The following PTPRN2 variants were observed in gnomAD, a reference collection of about 807,000 sequenced individuals.
PTPRN2 encodes receptor-type tyrosine-protein phosphatase N2.
A neutral mutation model predicts 118.8 loss-of-function variants in PTPRN2; 74 were observed. The observed-to-expected ratio is 0.62, with a 90% CI of 0.52 to 0.76. The LOEUF (loss-of-function observed/expected upper bound fraction) is 0.76, where lower values mean the gene tolerates loss of function less well. Ranked by LOEUF, PTPRN2 falls within the 30% of genes least tolerant of loss-of-function variation. The pLI is 0.00. For synonymous variants in PTPRN2, 641 were observed against 608.0 expected (o/e 1.05, Z -0.80); for missense variants, 1,481 against 1,394.4 (o/e 1.06, Z -0.99).
At chr7:158,279,263 C>T (rs1383240142) in intron 3 of PTPRN2, among the ~76,000 whole-genome samples, 1 of 152,194 alleles carries the variant, frequency 6.6e-6, no homozygotes, top group Non-Finnish European at 1.5e-5. Flanking sequence ...CATTTACAAA[C>T]CTTTAGCTAG....
At chr7:157,747,330 C>A (rs1315101507) in intron 12 of PTPRN2, among the ~76,000 whole-genome samples, 21 of 129,730 alleles carry the variant, frequency 1.6e-4, no homozygotes, top group Admixed American at 9.2e-4. Flanking sequence ...CTGAGGCCTG[C>A]GTCCCTGAGC....
At chr7:158,470,131 A>G (rs1245496471) in intron 2 of PTPRN2, among the ~76,000 whole-genome samples, 1 of 152,274 alleles carries the variant, frequency 6.6e-6, no homozygotes, top group East Asian at 1.9e-4. Flanking sequence ...ATCGTCAAGT[A>G]GAAATAAAAG....
intron 2 of PTPRN2, among the ~76,000 whole-genome samples, chr7:158,363,542 C>T (rs886258642): frequency 3.3e-5 from 5 of 152,240 alleles, no homozygotes; most frequent in Non-Finnish European, 5.9e-5. Flanking sequence ...GACCACCTGA[C>T]CTGGAAGGGC....
At chr7:158,055,159 T>C (rs770673759) in intron 11 of PTPRN2, among the ~76,000 whole-genome samples, 3 of 152,214 alleles carry the variant, frequency 2.0e-5, no homozygotes, top group Admixed American at 1.3e-4. Context: ...ATTCCAATAT[T>C]ATCATAGTCT....
At chr7:157,910,442 C>A (rs1257760595) in intron 11 of PTPRN2, among the ~76,000 whole-genome samples, 3 of 141,100 alleles carry the variant, frequency 2.1e-5, no homozygotes, top group Admixed American at 1.4e-4. Flanking sequence ...GGTCCAGGAT[C>A]AGGCACGTAC....
chr7:157,834,072 ATTCCCTGTGATC>A, intron 12 of PTPRN2, among the ~76,000 whole-genome samples: 2 of 152,168 alleles, frequency 1.3e-5, no homozygotes, highest in South Asian at 2.1e-4. Context: ...AGCCAGCAGC[ATTCCCTGTGATC>A]AATCCATCAA....
At chr7:158,181,659 A>G (rs1824718028) in intron 5 of PTPRN2, among the ~76,000 whole-genome samples, 1 of 152,028 alleles carries the variant, frequency 6.6e-6, no homozygotes, top group African/African-American at 2.4e-5. Context: ...TCCTAATTTA[A>G]TCTAGGAGGG....
chr7:157,904,043 G>A (rs887624934), intron 11 of PTPRN2, among the ~76,000 whole-genome samples: 6 of 152,198 alleles, frequency 3.9e-5, no homozygotes, highest in African/African-American at 1.4e-4. Flanking sequence ...TATCTGCTGC[G>A]TGTCTGAGAC....
intron 3 of PTPRN2, among the ~76,000 whole-genome samples, chr7:158,263,948 G>A (rs1797710574): frequency 6.6e-6 from 1 of 152,238 alleles, no homozygotes; most frequent in East Asian, 1.9e-4. Flanking sequence ...CCACGGTGAT[G>A]TGGGCCAGCT....
At chr7:158,094,968 AC>A (rs1448744754) in intron 10 of PTPRN2, among the ~76,000 whole-genome samples, 1 of 152,172 alleles carries the variant, frequency 6.6e-6, no homozygotes. Context: ...CAGCCTTCAA[AC>A]AACTCCAGTT....
chr7:158,204,305 G>A (rs1202162039), intron 4 of PTPRN2, among the ~76,000 whole-genome samples: 1 of 152,230 alleles, frequency 6.6e-6, no homozygotes, highest in Non-Finnish European at 1.5e-5. Flanking sequence ...GGCAACCCGC[G>A]CCCTCAGTGT....
intron 12 of PTPRN2, among the ~76,000 whole-genome samples, chr7:157,879,408 C>T (rs1026824155): frequency 4.0e-5 from 6 of 148,726 alleles, no homozygotes; most frequent in African/African-American, 2.6e-5. Flanking sequence ...TGCACGCACA[C>T]GTGCACGCAC....
intron 2 of PTPRN2, among the ~76,000 whole-genome samples, chr7:158,369,241 A>T: frequency 1.1e-5 from 1 of 94,850 alleles, no homozygotes; most frequent in Admixed American, 1.3e-4. Flanking sequence ...TACTTAGTAA[A>T]CTCCCCTTTA....
chr7:157,776,742 G>C (rs111066528), intron 12 of PTPRN2, among the ~76,000 whole-genome samples: 598 of 602 alleles, frequency 0.99, 299 homozygotes, highest in Middle Eastern at 1. Context: ...CTCTCCTCAT[G>C]CTCTCTCCTC....
chr7:158,052,641 G>T (rs991276859), intron 11 of PTPRN2, among the ~76,000 whole-genome samples: 8 of 151,342 alleles, frequency 5.3e-5, no homozygotes, highest in African/African-American at 1.7e-4. Flanking sequence ...GGCCATGGAG[G>T]GGTGCCCTTC....
intron 12 of PTPRN2, among the ~76,000 whole-genome samples, chr7:157,842,655 C>T (rs1026735888): frequency 3.3e-5 from 5 of 152,058 alleles, no homozygotes; most frequent in South Asian, 2.1e-4. Flanking sequence ...CCTTGTGATT[C>T]GCCCACCTCA....
intron 11 of PTPRN2, among the ~76,000 whole-genome samples, chr7:158,056,168 C>T (rs1229569935): frequency 6.6e-6 from 1 of 152,248 alleles, no homozygotes; most frequent in Non-Finnish European, 1.5e-5. Flanking sequence ...GCCTTGGTAA[C>T]TCCCGCAGGT....
In PTPRN2 at chr7:158,310,410, G is replaced by A. The variant is rs544546266; in HGVS notation, c.277+6409C>T. On this transcript the variant is annotated intron_variant, in intron 3 of 22. Transcript: ENST00000389418. ...CCTGGGAAAGGAGGAACACACTATC[G>A]GACGGTGGAGAAGAGGCTGTGCTCC... 1.6e-4 allele frequency among the ~76,000 whole-genome samples: 25 copies of A among 152,350 alleles called. No individual in the cohort carries two copies. In the East Asian group the frequency reaches 1.7e-3, roughly 11 times the overall value.
chr7:157,849,370 C>T (rs1180401767), intron 12 of PTPRN2, among the ~76,000 whole-genome samples: 2 of 152,192 alleles, frequency 1.3e-5, no homozygotes, highest in Non-Finnish European at 2.9e-5. Flanking sequence ...GGCCGAGGCT[C>T]ATGTGGGTGT....
Sources: gnomAD v4.1 joint callset for allele counts (sites outside exome capture counted in the v4.1 genomes callset) on GRCh38, gnomAD v4.1.1 for gene constraint, MANE v1.5 for transcripts, NCBI Gene and HGNC (gene_info 2026-07-23, HGNC 2026-07-21) for gene names.